TRPM7: variants seen among roughly 807,000 people sequenced by gnomAD.
TRPM7 encodes LTRPC ion channel family member 7.
A neutral mutation model predicts 229.7 loss-of-function variants in TRPM7; 134 were observed. The observed-to-expected ratio is 0.58, with a 90% CI of 0.51 to 0.67. The LOEUF (loss-of-function observed/expected upper bound fraction) is 0.67, where lower values mean the gene tolerates loss of function less well. Among genes scored for constraint, TRPM7 ranks in the 30% least tolerant of loss-of-function variants. The pLI, the probability that TRPM7 is intolerant of heterozygous loss-of-function variation, is 0.00. For synonymous variants in TRPM7, 699 were observed against 715.2 expected (o/e 0.98, Z 0.36); for missense variants, 1,901 against 2,210.0 (o/e 0.86, Z 2.80).
chr15:50,607,187 A>G lies in TRPM7; in HGVS notation c.2709+13T>C, dbSNP rs1010640502. On this transcript the variant is annotated intron_variant, in intron 20 of 38. Coordinates refer to ENST00000646667, the MANE Select transcript of TRPM7 (RefSeq NM_017672.6). ...TACAGTAAATTATTGGTAGAAAAAA[A>G]CTAAAGACATACCTCACGGACTTTC... is the stretch of plus-strand genomic sequence containing the variant. The G allele has an allele frequency of 6.3e-7, 1 of 1,593,860 alleles. No individual in the cohort carries two copies. The highest frequency in any genetic ancestry group is 8.5e-7 in the Non-Finnish European group (1 of 1,174,070).
At chr15:50,673,267 A>G (rs1322164818) in intron 1 of TRPM7, among the ~76,000 whole-genome samples, 1 of 151,780 alleles carries the variant, frequency 6.6e-6, no homozygotes, top group African/African-American at 2.4e-5. Context: ...TTTTATTTTT[A>G]TTGTTTTTTA....
intron 9 of TRPM7, 97 bp downstream of exon 9, chr15:50,632,772 C>A: frequency 1.7e-6 from 2 of 1,183,954 alleles, no homozygotes; most frequent in South Asian, 2.0e-5. Context: ...GTTTAAAATC[C>A]AAATAAAAAC....
At chr15:50,627,699 T>C (rs112243614) in intron 11 of TRPM7, among the ~76,000 whole-genome samples, 7 of 152,282 alleles carry the variant, frequency 4.6e-5, no homozygotes, top group African/African-American at 1.4e-4. Flanking sequence ...ATTAGGTATT[T>C]TGAAACTAGA....
chr15:50,680,712 ATAACTTTTTTAAAAAAAACCT>A (rs2062222610), intron 1 of TRPM7, among the ~76,000 whole-genome samples: 1 of 152,202 alleles, frequency 6.6e-6, no homozygotes. Context: ...TTTTTAAGTT[ATAACTTTTTTAAAAAAAACCT>A]TAACTTTTTT....
At position 50,591,254 on chromosome 15, in the gene TRPM7, GT is replaced by G. The variant is rs1367022080; in HGVS notation, c.4324+656del. ...TCACTTTTAAAGTGTCTTGGTTTGG[GT>G]AAAAAAATTATATGGTCATCTATTT... is the stretch of plus-strand genomic sequence containing the variant. On this transcript the variant is annotated intron_variant, in intron 26 of 38. Transcript: ENST00000646667. 2.0e-5 allele frequency among the ~76,000 whole-genome samples: 3 copies of G among 151,908 alleles called. No homozygotes were observed. The East Asian group carries it at 5.8e-4, about 29-fold the overall frequency.
At chr15:50,675,012 T>C (rs1398373182) in intron 1 of TRPM7, among the ~76,000 whole-genome samples, 1 of 152,154 alleles carries the variant, frequency 6.6e-6, no homozygotes, top group Non-Finnish European at 1.5e-5. Context: ...CTAAATTTTA[T>C]GCCTACAGGG....
At chr15:50,629,259 G>A (rs1261499040) in intron 10 of TRPM7, among the ~76,000 whole-genome samples, 2 of 138,934 alleles carry the variant, frequency 1.4e-5, no homozygotes, top group Non-Finnish European at 3.1e-5. Context: ...ATGTGCCATG[G>A]AGAGGGGAGT....
chr15:50,577,289 C>T (rs1483403306), intron 31 of TRPM7, among the ~76,000 whole-genome samples: 1 of 152,064 alleles, frequency 6.6e-6, no homozygotes, highest in Non-Finnish European at 1.5e-5. Flanking sequence ...GTGGCTCTCG[C>T]CTGTAATCTC....
intron 31 of TRPM7, 171 bp downstream of exon 31, chr15:50,578,468 T>C (rs2054243083): frequency 4.6e-6 from 2 of 437,408 alleles, no homozygotes; most frequent in Non-Finnish European, 8.0e-6. Context: ...ATTCGTGTGT[T>C]TGTGAAACAT....
At position 50,607,279 on chromosome 15, in the gene TRPM7, T is replaced by C; in HGVS notation, c.2630A>G (p.Gln877Arg). The C allele has an allele frequency of 6.2e-7, 1 of 1,607,760 alleles. No individual in the cohort carries two copies. Among genetic ancestry groups the C allele is most frequent in the South Asian group, 1.1e-5 (1 of 89,318 alleles). Residue 877 changes from glutamine to arginine, a missense_variant, in exon 20 of 39, where the codon CAA becomes CGA. Around this residue, in one of 8 missense-constraint regions of TRPM7, gnomAD observed 207 missense variants for 241.5 expected, o/e 0.86. Transcript: ENST00000646667. ...LMLYTFVVLVQMEQLPSVQEW... is the reference protein window; with the variant it reads ...LMLYTFVVLVRMEQLPSVQEW... ...TTGAACTGAAGGTAACTGTTCCATT[T>C]GTACAAGAACCACAAATGTATAAAG...
At position 50,609,586 on chromosome 15, in the gene TRPM7, T is replaced by C. The variant is rs1365009124; in HGVS notation, c.2575A>G (p.Asn859Asp). Residue 859 changes from asparagine (N) to aspartate (D), a missense_variant, in exon 19 of 39, where the codon AAC becomes GAC. Around this residue, in one of 8 missense-constraint regions of TRPM7, gnomAD observed 207 missense variants for 241.5 expected, o/e 0.86. Coordinates refer to ENST00000646667, the MANE Select transcript of TRPM7 (RefSeq NM_017672.6). ...YHAPIVKFWF[N>D]TLAYLGFLML... ...TGTGTAATTTAAAAACATACCGTGT[T>C]AAACCAGAATTTTACAATTGGTGCA... 4 of 1,602,268 alleles carry C rather than the reference T, an allele frequency of 2.5e-6. No homozygotes were observed. The highest frequency in any genetic ancestry group is 1.8e-5 in the Admixed American group (1 of 56,890).
At chr15:50,602,888 G>A (rs1042843509) in intron 21 of TRPM7, among the ~76,000 whole-genome samples, 2 of 152,138 alleles carry the variant, frequency 1.3e-5, no homozygotes, top group African/African-American at 4.8e-5. Flanking sequence ...TTCTAGAGAA[G>A]ATCACAAATA....
Position 50,612,601 on chromosome 15 carries a change from T to G in TRPM7, c.1999A>C (p.Lys667Gln). Residue 667 changes from lysine to glutamine, a missense_variant, in exon 16 of 39, where the codon AAG becomes CAG. Transcript: ENST00000646667. ...KIYRSMAYEA[K>Q]QSDLVDDTSE... ...GTATCATCTACCAGGTCACTCTGCT[T>G]TGCTTCATATGCCATTGAACGATAG... is the stretch of plus-strand genomic sequence containing the variant. The G allele has an allele frequency of 6.2e-7, 1 of 1,614,132 alleles. No individual in the cohort carries two copies.
chr15:50,572,021 G>A (rs1042951079), intron 36 of TRPM7, among the ~76,000 whole-genome samples: 2 of 152,228 alleles, frequency 1.3e-5, no homozygotes, highest in Non-Finnish European at 2.9e-5. Context: ...ACTGTGGCCA[G>A]AGAGTGGCTC....
At chr15:50,672,862 G>C (rs1351853051) in intron 1 of TRPM7, among the ~76,000 whole-genome samples, 1 of 117,156 alleles carries the variant, frequency 8.5e-6, no homozygotes, top group Non-Finnish European at 1.6e-5. Flanking sequence ...GTGAGCCACT[G>C]CACTCCAGCC....
At chr15:50,616,815 G>A (rs767237371) in intron 13 of TRPM7, among the ~76,000 whole-genome samples, 1 of 152,016 alleles carries the variant, frequency 6.6e-6, no homozygotes, top group Non-Finnish European at 1.5e-5. Context: ...TAAGTAGCTG[G>A]GACTACAGGC....
chr15:50,569,974 CA>C lies in TRPM7; in HGVS notation c.5379del (p.Phe1793LeufsTer6), dbSNP rs1166584314. 2.5e-6 allele frequency: 4 copies of C among 1,609,496 alleles called. No individual in the cohort carries two copies. Among genetic ancestry groups the C allele is most frequent in the South Asian group, 2.2e-5 (2 of 90,254 alleles). On this transcript the variant is annotated frameshift_variant, in exon 38 of 39. Coordinates refer to ENST00000646667, the MANE Select transcript of TRPM7 (RefSeq NM_017672.6). LOFTEE classifies it high-confidence loss of function. ...GCATCTTCTCCTAGATTTGCTGGGC[CA>C]AAAACCATATCACAGGATCTGTAGA... ...AEEKRSCDMV[F>X]GPANLGEDAI...
Position 50,628,222 on chromosome 15 carries a change from A to C in TRPM7, c.1232T>G (p.Leu411Arg), listed in dbSNP as rs1489266491. The C allele has an allele frequency of 1.2e-6, 2 of 1,613,358 alleles. No individual in the cohort carries two copies. The highest frequency in any genetic ancestry group is 1.7e-6 in the Non-Finnish European group (2 of 1,179,860). ...TCTATCCCATGCCAATGTAAGGATA[A>C]GCTGGTCAAATGCAGATGCATTAGT... ...KGTNASAFDQ[L>R]ILTLAWDRVD... The change falls in exon 11 of 39, where the codon CTT (leucine) becomes CGT (arginine). Residue 411 changes from leucine (L) to arginine (R), a missense_variant. Coordinates refer to ENST00000646667, the MANE Select transcript of TRPM7 (RefSeq NM_017672.6).
chr15:50,610,689 C>G (rs1240836691), intron 17 of TRPM7, among the ~76,000 whole-genome samples: 2 of 151,980 alleles, frequency 1.3e-5, no homozygotes, highest in African/African-American at 4.8e-5. Flanking sequence ...ATGGGTATAT[C>G]AATATACTCA....
Sources: allele counts gnomAD v4.1 joint callset (sites outside exome capture counted in the v4.1 genomes callset), GRCh38; gene constraint gnomAD v4.1.1; regional missense constraint gnomAD v4.1.1; transcripts MANE v1.5; gene names NCBI Gene and HGNC (gene_info 2026-07-23, HGNC 2026-07-21).